CSPP1: variants seen among roughly 807,000 people sequenced by gnomAD.
The protein encoded by CSPP1 is centrosome and spindle pole-associated protein 1.
A neutral mutation model predicts 164.4 loss-of-function variants in CSPP1; 126 were observed. That is an observed-to-expected ratio of 0.77 (90% CI 0.66 to 0.89). The LOEUF is 0.89. Ranked by LOEUF, CSPP1 falls within the 40% of genes least tolerant of loss-of-function variation. The probability of loss-of-function intolerance (pLI) is 0.00; values close to 1 mark genes in which losing one functional copy is unlikely to be tolerated. For synonymous variants in CSPP1, 472 were observed against 476.7 expected, an observed-to-expected ratio of 0.99 and a Z score of 0.13; for missense variants, 1,395 against 1,449.8, an observed-to-expected ratio of 0.96 and a Z score of 0.61.
rs776159020 is a variant in CSPP1, at chr8:67,149,815, G to A, written c.2008G>A (p.Asp670Asn). 4 of 1,596,848 alleles carry A rather than the reference G, an allele frequency of 2.5e-6. No homozygotes were observed. Among genetic ancestry groups the A allele is most frequent in the Admixed American group, 1.8e-5 (1 of 56,916 alleles). The stretch of plus-strand genomic sequence containing the variant: ...GAATAGGATGCACAGACAAAATATA[G>A]ATGCCTACCATAACCCAGATGCAAG... ...DLNRMHRQNI[D>N]AYHNPDARTY... Residue 670 changes from aspartate (D) to asparagine (N), a missense_variant, in exon 18 of 31, where the codon GAT becomes AAT. Coordinates refer to ENST00000678616, the MANE Select transcript of CSPP1 (RefSeq NM_001382391.1).
intron 6 of CSPP1, among the ~76,000 whole-genome samples, chr8:67,094,199 GT>G (rs148073658): frequency 0.012 from 1,729 of 142,542 alleles, 37 homozygotes; most frequent in African/African-American, 0.042. Flanking sequence ...TATCCTTTGT[GT>G]TGAGAATTTA....
chr8:67,146,126 T>C (rs898439811), intron 17 of CSPP1, among the ~76,000 whole-genome samples: 20 of 149,168 alleles, frequency 1.3e-4, no homozygotes, highest in Non-Finnish European at 2.2e-4. Context: ...ACTTTTCTTT[T>C]TTTTTTTTTT....
At chr8:67,109,971 A>C (rs1293053622) in intron 9 of CSPP1, among the ~76,000 whole-genome samples, 1 of 152,110 alleles carries the variant, frequency 6.6e-6, no homozygotes, top group Non-Finnish European at 1.5e-5. Flanking sequence ...TTAGGCAAGC[A>C]GAAATCGGCT....
chr8:67,191,951 T>C (rs963772061), intron 29 of CSPP1, among the ~76,000 whole-genome samples: 9 of 152,176 alleles, frequency 5.9e-5, no homozygotes, highest in Non-Finnish European at 1.2e-4. Context: ...TGTAAAGTGG[T>C]GTCATGGTGG....
In CSPP1 at chr8:67,159,957, C is replaced by CTTTCTTTTCTTTTCT. The variant is rs758860786; in HGVS notation, c.2538+884_2538+898dup. Among the ~76,000 whole-genome samples the CTTTCTTTTCTTTTCT allele has an allele frequency of 2.8e-3, 56 of 19,990 alleles. 5 individuals are homozygous for CTTTCTTTTCTTTTCT. Among genetic ancestry groups the CTTTCTTTTCTTTTCT allele is most frequent in the Non-Finnish European group, 3.7e-3 (41 of 11,190 alleles). The allele number at this position is 19,990 out of a possible 152,430, so 13.1% of individuals were successfully genotyped here. Reference sequence around the variant, plus strand: ...TCCTTCCTTCCTTCCTTCCTTCCTTCTTTCTTTTCTTTTCTTTTCTTTTCT... The same window carrying CTTTCTTTTCTTTTCT: ...TCCTTCCTTCCTTCCTTCCTTCCTTCTTTCTTTTCTTTTCTTTTCTTTTCTTTTCTTTTCTTTTCT... On this transcript the variant is annotated intron_variant, in intron 21 of 30. Transcript: ENST00000678616.
At chr8:67,107,123 C>T (rs1263947874) in intron 9 of CSPP1, among the ~76,000 whole-genome samples, 2 of 151,894 alleles carry the variant, frequency 1.3e-5, no homozygotes, top group Admixed American at 6.6e-5. Context: ...TCTTGGCTCA[C>T]TGCAACCTCC....
chr8:67,095,480 T>C lies in CSPP1; in HGVS notation c.671T>C (p.Ile224Thr). 1 of 1,612,916 alleles carries C rather than the reference T, an allele frequency of 6.2e-7. No individual in the cohort carries two copies. The highest frequency in any genetic ancestry group is 8.5e-7 in the Non-Finnish European group (1 of 1,179,756). The part of the protein sequence containing the change: ...EDRYRQLDDE[I>T]ELRNRRIIKK... The stretch of plus-strand genomic sequence containing the variant: ...AGATACCGACAACTAGATGATGAAA[T>C]CGAATTAAGGAATAGAAGAATTATT... Residue 224 changes from isoleucine to threonine, a missense_variant, in exon 7 of 31, where the codon ATC becomes ACC. Ile to Thr is a moderately conservative substitution (Grantham distance 89). Coordinates refer to ENST00000678616, the MANE Select transcript of CSPP1 (RefSeq NM_001382391.1).
intron 8 of CSPP1, among the ~76,000 whole-genome samples, chr8:67,104,811 TG>T (rs1815039655): frequency 1.3e-5 from 2 of 150,538 alleles, no homozygotes; most frequent in Non-Finnish European, 3.0e-5. Flanking sequence ...CTAATTTTTT[TG>T]TATTTTTAGT....
At chr8:67,165,008 G>T (rs1227930673) in intron 24 of CSPP1, among the ~76,000 whole-genome samples, 3 of 152,184 alleles carry the variant, frequency 2.0e-5, no homozygotes, top group Non-Finnish European at 4.4e-5. Flanking sequence ...TGCAGGCTGG[G>T]TGCAGTTGCT....
intron 28 of CSPP1, among the ~76,000 whole-genome samples, chr8:67,181,506 T>A (rs987972739): frequency 6.6e-6 from 1 of 152,006 alleles, no homozygotes; most frequent in African/African-American, 2.4e-5. Context: ...CTCAAGATGG[T>A]GTGTTGGAGT....
At chr8:67,106,639 C>T (rs1315156178) in intron 9 of CSPP1, among the ~76,000 whole-genome samples, 2 of 152,084 alleles carry the variant, frequency 1.3e-5, no homozygotes, top group Non-Finnish European at 1.5e-5. Context: ...TGCTATATTA[C>T]ACTTGGCAAA....
Position 67,154,218 on chromosome 8 carries a change from C to G in CSPP1, c.2241+82C>G, listed in dbSNP as rs1200192149. ...GCAAAGATTTTCTCCAGGATAAATA[C>G]TAAATTCTAAAATGCCATACTGTTA... On this transcript the variant is annotated intron_variant, in intron 19 of 30. Coordinates refer to ENST00000678616, the MANE Select transcript of CSPP1 (RefSeq NM_001382391.1). The G allele has an allele frequency of 3.4e-5, 24 of 696,442 alleles. No homozygotes were observed. In the Admixed American group the frequency reaches 6.0e-4, roughly 17 times the overall value. The allele number at this position is 696,442 out of a possible 1,614,324, so 43.1% of individuals were successfully genotyped here.
At position 67,103,106 on chromosome 8, in the gene CSPP1, C is replaced by T; in HGVS notation, c.993C>T (p.Asn331=). Reference sequence around the variant, plus strand: ...ATGGGGATGTTATAGAACAGTCAAACATAAGAATTTCATCTGCTGAAAATA... The same window carrying T: ...ATGGGGATGTTATAGAACAGTCAAATATAAGAATTTCATCTGCTGAAAATA... ...EHDGDVIEQS[N]IRISSAENKS... is the part of the protein sequence containing the mutation. Residue 331 remains asparagine (N), a synonymous_variant, in exon 8 of 31, where the codon AAC becomes AAT. Transcript: ENST00000678616. 1.9e-6 allele frequency: 3 copies of T among 1,605,918 alleles called. No individual in the cohort carries two copies. The highest frequency in any genetic ancestry group is 1.7e-6 in the Non-Finnish European group (2 of 1,172,860).
chr8:67,097,455 A>G (rs1813039175), intron 7 of CSPP1, among the ~76,000 whole-genome samples: 1 of 152,156 alleles, frequency 6.6e-6, no homozygotes, highest in Non-Finnish European at 1.5e-5. Context: ...ACTTCAGAAA[A>G]TTCTCCAAAT....
intron 28 of CSPP1, among the ~76,000 whole-genome samples, chr8:67,184,741 A>AAT (rs1554621517): frequency 7.0e-6 from 1 of 143,610 alleles, no homozygotes; most frequent in African/African-American, 2.7e-5. Context: ...AATAATAAAA[A>AAT]AATATAATAA....
intron 30 of CSPP1, among the ~76,000 whole-genome samples, chr8:67,194,760 TAA>T (rs936214709): frequency 6.6e-6 from 1 of 150,750 alleles, no homozygotes; most frequent in African/African-American, 2.4e-5. Context: ...TAATAATAAA[TAA>T]AAGTAAAATA....
chr8:67,092,858 ATAT>A lies in CSPP1; in HGVS notation c.385-683_385-681del, dbSNP rs750577029. Among the ~76,000 whole-genome samples the A allele has an allele frequency of 3.9e-5, 6 of 152,310 alleles. No homozygotes were observed. The East Asian group carries it at 1.2e-3, about 29-fold the overall frequency. On this transcript the variant is annotated intron_variant, in intron 5 of 30. Coordinates refer to ENST00000678616, the MANE Select transcript of CSPP1 (RefSeq NM_001382391.1). ...TGTTTTAACAGAACATTTCATTATA[ATAT>A]TTTATAATCTGTGATAATTTTTCTT...
chr8:67,187,156 A>G (rs1184194543), intron 28 of CSPP1, among the ~76,000 whole-genome samples: 1 of 152,202 alleles, frequency 6.6e-6, no homozygotes, highest in African/African-American at 2.4e-5. Context: ...AACTTGATCT[A>G]TAGATTCAGT....
At chr8:67,092,014 C>A (rs1811712462) in intron 5 of CSPP1, 131 bp downstream of exon 5, 1 of 265,624 alleles carries the variant, frequency 3.8e-6, no homozygotes, top group East Asian at 1.4e-4. Flanking sequence ...ATTTCTATTT[C>A]AAAAATCCGT....
Sources: gnomAD v4.1 joint callset for allele counts (sites outside exome capture counted in the v4.1 genomes callset) on GRCh38, gnomAD v4.1.1 for gene constraint, MANE v1.5 for transcripts, NCBI Gene and HGNC (gene_info 2026-07-23, HGNC 2026-07-21) for gene names.